MPPED1: variants seen among roughly 807,000 people sequenced by gnomAD.
The protein encoded by MPPED1 is metallophosphoesterase domain-containing protein 1.
A neutral mutation model predicts 36.2 loss-of-function variants in MPPED1; 16 were observed. The ratio of observed to expected loss-of-function variants is 0.44; its 90% CI spans 0.30 to 0.67. The LOEUF is 0.67. Ranked by LOEUF, MPPED1 falls within the 30% of genes least tolerant of loss-of-function variation. MPPED1 has a pLI of 0.10. For synonymous variants in MPPED1, 199 were observed against 191.3 expected, an observed-to-expected ratio of 1.04 and a Z score of -0.33; for missense variants, 307 against 453.4, an observed-to-expected ratio of 0.68 and a Z score of 2.93.
intron 2 of MPPED1, among the ~76,000 whole-genome samples, chr22:43,428,560 C>T (rs1223717839): frequency 3.3e-5 from 5 of 152,238 alleles, no homozygotes; most frequent in South Asian, 2.1e-4. Context: ...TGCCACTTCC[C>T]GACATGTGAT....
At chr22:43,499,764 G>A (rs1932584923) in intron 5 of MPPED1, among the ~76,000 whole-genome samples, 1 of 37,456 alleles carries the variant, frequency 2.7e-5, no homozygotes, top group South Asian at 1.0e-3. Context: ...GATGGAGGTG[G>A]CGGTGGTGAT....
intron 1 of MPPED1, chr22:43,417,853 T>C: frequency 2.8e-6 from 1 of 354,778 alleles, no homozygotes. Context: ...GCTCCTACTC[T>C]CAGTTAAAGG....
At chr22:43,485,103 C>T (rs1185800990) in intron 4 of MPPED1, among the ~76,000 whole-genome samples, 3 of 151,980 alleles carry the variant, frequency 2.0e-5, no homozygotes, top group African/African-American at 4.8e-5. Context: ...CTCACATGCA[C>T]GTTCACACAT....
chr22:43,468,986 G>A (rs1931267753), intron 3 of MPPED1, among the ~76,000 whole-genome samples: 1 of 152,186 alleles, frequency 6.6e-6, no homozygotes, highest in African/African-American at 2.4e-5. Flanking sequence ...ACCGTGCCCA[G>A]CCCGGGGGTG....
intron 4 of MPPED1, among the ~76,000 whole-genome samples, chr22:43,478,236 C>T (rs1164758656): frequency 6.6e-6 from 1 of 152,198 alleles, no homozygotes; most frequent in Non-Finnish European, 1.5e-5. Context: ...GTTCTCAGAA[C>T]AGCCTTTGGG....
chr22:43,431,403 C>G (rs1311639956), intron 2 of MPPED1, among the ~76,000 whole-genome samples: 2 of 152,060 alleles, frequency 1.3e-5, no homozygotes, highest in Admixed American at 1.3e-4. Flanking sequence ...AGTCAGGTTT[C>G]TGGATCTTCA....
At chr22:43,472,859 C>A (rs1931423859) in intron 3 of MPPED1, among the ~76,000 whole-genome samples, 2 of 152,174 alleles carry the variant, frequency 1.3e-5, no homozygotes, top group Non-Finnish European at 2.9e-5. Flanking sequence ...GGCACTGGAC[C>A]CTTCTATTTC....
At chr22:43,416,909 G>A (rs551176839) in intron 1 of MPPED1, 3 of 857,886 alleles carry the variant, frequency 3.5e-6, no homozygotes, top group East Asian at 2.4e-4. Flanking sequence ...CAATGGGAAT[G>A]GAGAATATTC....
intron 3 of MPPED1, among the ~76,000 whole-genome samples, chr22:43,460,591 G>C (rs1930924206): frequency 6.6e-6 from 1 of 152,100 alleles, no homozygotes; most frequent in Non-Finnish European, 1.5e-5. Context: ...GAATGTCCTG[G>C]AAACTCTGTG....
chr22:43,504,900 T>C (rs1175672207), intron 6 of MPPED1, among the ~76,000 whole-genome samples: 3 of 151,590 alleles, frequency 2.0e-5, no homozygotes, highest in Non-Finnish European at 4.4e-5. Context: ...AGGGCGGTGA[T>C]GTTGTTCATG....
chr22:43,426,508 T>G (rs888314337), intron 2 of MPPED1, among the ~76,000 whole-genome samples: 1 of 152,188 alleles, frequency 6.6e-6, no homozygotes, highest in Non-Finnish European at 1.5e-5. Flanking sequence ...TCTGGGGCTG[T>G]GATCTCCATC....
chr22:43,469,699 T>G (rs1931300860), intron 3 of MPPED1, among the ~76,000 whole-genome samples: 1 of 151,584 alleles, frequency 6.6e-6, no homozygotes, highest in African/African-American at 2.4e-5. Flanking sequence ...GGAGGGTGAG[T>G]CAAAAAAATG....
intron 3 of MPPED1, among the ~76,000 whole-genome samples, chr22:43,442,124 G>C (rs956802845): frequency 6.6e-6 from 1 of 151,850 alleles, no homozygotes; most frequent in Non-Finnish European, 1.5e-5. Flanking sequence ...CTCATAATTT[G>C]TCTGTCCTTT....
chr22:43,499,618 T>TGATGGA (rs1932567620), intron 5 of MPPED1, among the ~76,000 whole-genome samples: 2 of 35,076 alleles, frequency 5.7e-5, no homozygotes, highest in Admixed American at 3.6e-4. Context: ...GTGGTGATGG[T>TGATGGA]GGTGGTGATG....
chr22:43,478,297 G>C (rs987035269), intron 4 of MPPED1, among the ~76,000 whole-genome samples: 3 of 152,164 alleles, frequency 2.0e-5, no homozygotes, highest in African/African-American at 7.2e-5. Flanking sequence ...TGGGGATTGA[G>C]CTGATATCCT....
At chr22:43,488,323 C>T (rs1931977641) in intron 4 of MPPED1, among the ~76,000 whole-genome samples, 1 of 152,208 alleles carries the variant, frequency 6.6e-6, no homozygotes, top group African/African-American at 2.4e-5. Context: ...TACAGTGACT[C>T]CTGGGGACAC....
chr22:43,467,277 G>A (rs919357575), intron 3 of MPPED1, among the ~76,000 whole-genome samples: 2 of 152,220 alleles, frequency 1.3e-5, no homozygotes, highest in Admixed American at 6.5e-5. Flanking sequence ...AGCATTGAAT[G>A]CATGATGCTG....
intron 4 of MPPED1, among the ~76,000 whole-genome samples, chr22:43,497,935 G>GTGTATATATATATA (rs1555904573): frequency 3.6e-4 from 46 of 128,346 alleles, no homozygotes; most frequent in African/African-American, 8.0e-4. Flanking sequence ...ATATGTATAT[G>GTGTATATATATATA]TATATATATA....
rs769533468 is a variant in MPPED1 at position 43,435,081 on chromosome 22, G to A, written c.272G>A (p.Arg91His). The change falls in exon 3 of 7, where the codon CGC (arginine) becomes CAC (histidine). Residue 91 changes from arginine (R) to histidine (H), a missense_variant. By Grantham distance (29) the Arg-to-His change is conservative (BLOSUM62 0). This residue lies in a region of MPPED1 where 169 missense variants were observed against 212.3 expected (regional missense o/e 0.80). Coordinates refer to ENST00000443721, the MANE Select transcript of MPPED1 (RefSeq NM_001044370.2). Reference protein sequence around the residue: ...HDAPKPPGYTRFVCVSDTHSR... With the variant: ...HDAPKPPGYTHFVCVSDTHSR... ...GCCCCCAAACCTCCAGGCTACACCCGCTTCGTCTGCGTCTCTGATACCCAC... is the reference window on the plus strand; with the variant it reads ...GCCCCCAAACCTCCAGGCTACACCCACTTCGTCTGCGTCTCTGATACCCAC... 2.5e-6 allele frequency: 4 copies of A among 1,613,734 alleles called. No individual in the cohort carries two copies. Among genetic ancestry groups the A allele is most frequent in the Non-Finnish European group, 2.5e-6 (3 of 1,179,900 alleles).
Sources: allele counts gnomAD v4.1 joint callset (sites outside exome capture counted in the v4.1 genomes callset), GRCh38; gene constraint gnomAD v4.1.1; regional missense constraint gnomAD v4.1.1; transcripts MANE v1.5; gene names NCBI Gene and HGNC (gene_info 2026-07-23, HGNC 2026-07-21).